The following SLC6A12 variants were observed in gnomAD, a reference collection of about 807,000 sequenced individuals.
The protein encoded by SLC6A12 is sodium- and chloride-dependent betaine transporter.
A neutral mutation model predicts 73.3 loss-of-function variants in SLC6A12; 50 were observed. The ratio of observed to expected loss-of-function variants is 0.68; its 90% confidence interval spans 0.54 to 0.86. SLC6A12 has a LOEUF of 0.86. Among genes scored for constraint, SLC6A12 ranks in the 40% least tolerant of loss-of-function variants. The pLI, the probability that SLC6A12 is intolerant of heterozygous loss-of-function variation, is 0.00. For missense variants in SLC6A12, 648 were observed against 772.8 expected (o/e 0.84, Z 1.92); for synonymous variants, 304 against 309.2 (o/e 0.98, Z 0.18).
chr12:187,589 C>CAAAAGAGCAAAAAAAAAAAAAAAAAA (rs1939453849), downstream of SLC6A12, among the ~76,000 whole-genome samples: 2 of 106,072 alleles, frequency 1.9e-5, no homozygotes, highest in African/African-American at 1.1e-4. Flanking sequence ...TGCAAAAGAG[C>CAAAAGAGCAAAAAAAAAAAAAAAAAA]AAAAAAAAAA....
chr12:205,675 A>G (rs558513850), intron 3 of SLC6A12, among the ~76,000 whole-genome samples: 28 of 152,246 alleles, frequency 1.8e-4, no homozygotes, highest in Non-Finnish European at 2.4e-4. Context: ...GAAAGTACAG[A>G]GGGAAAGAAA....
chr12:213,134 C>T lies in SLC6A12; in HGVS notation c.-143+788G>A, dbSNP rs1940971441. ...GTGCTGCTGGGATCCCAGCTCTGTC[C>T]CCTTTGCTCCCCAGTCCAGCATAGG... is the stretch of plus-strand genomic sequence containing the variant. On this transcript the variant is annotated intron_variant, in intron 1 of 15. Transcript: ENST00000684302. This position sits in a 1 kb window ranked among gnomAD's most constrained non-coding sequence, Gnocchi z 5.3. Among the ~76,000 whole-genome samples the T allele has an allele frequency of 6.6e-6, 1 of 152,124 alleles. No individual in the cohort carries two copies. The highest frequency in any genetic ancestry group is 2.4e-5 in the African/African-American group (1 of 41,412).
At chr12:207,391 G>A (rs1940703018) in intron 3 of SLC6A12, among the ~76,000 whole-genome samples, 1 of 152,160 alleles carries the variant, frequency 6.6e-6, no homozygotes, top group African/African-American at 2.4e-5. Context: ...CCGGATAATG[G>A]GAACTTCCTA....
rs183224605 is a variant in SLC6A12 at position 193,017 on chromosome 12, G to A, written c.1530+260C>T. 16 of 526,350 alleles carry A rather than the reference G, an allele frequency of 3.0e-5. 1 individual carries two copies. Among genetic ancestry groups the A allele is most frequent in the Admixed American group, 9.5e-5 (3 of 31,638 alleles). The allele number at this position is 526,350 out of a possible 1,614,324, so 32.6% of individuals were successfully genotyped here. ...TCAGACAGACAGGAGACCAACCATC[G>A]AGAAATCAGGCAGAAGCAGGAGGCA... On this transcript the variant is annotated intron_variant, in intron 14 of 15. Coordinates refer to ENST00000684302, the MANE Select transcript of SLC6A12 (RefSeq NM_001122848.3).
chr12:200,400 A>ATG (rs1565472344), intron 7 of SLC6A12, among the ~76,000 whole-genome samples: 1 of 148,020 alleles, frequency 6.8e-6, no homozygotes, highest in African/African-American at 2.4e-5. Flanking sequence ...GAGCCACTGC[A>ATG]CCCGGCAGCC....
At chr12:201,387 T>C in intron 6 of SLC6A12, 1 of 245,002 alleles carries the variant, frequency 4.1e-6, no homozygotes, top group Non-Finnish European at 8.0e-6. Context: ...ACTCCCGCCT[T>C]GGGCAATTTC....
At chr12:205,469 T>C (rs182449092) in intron 3 of SLC6A12, among the ~76,000 whole-genome samples, 5 of 152,270 alleles carry the variant, frequency 3.3e-5, no homozygotes, top group African/African-American at 1.2e-4. Context: ...CAAAACAACC[T>C]CCCATGGGGC....
downstream of SLC6A12, among the ~76,000 whole-genome samples, chr12:187,440 G>A (rs930117876): frequency 6.6e-6 from 1 of 151,692 alleles, no homozygotes; most frequent in Admixed American, 6.6e-5. Flanking sequence ...TCTGAAGGCG[G>A]CGCGTCTGGA....
In SLC6A12 at chr12:209,965, G is replaced by A. The variant is rs761631070; in HGVS notation, c.22C>T (p.Gln8Ter). 1.2e-6 allele frequency: 2 copies of A among 1,614,050 alleles called. No homozygotes were observed. The highest frequency in any genetic ancestry group is 2.7e-5 in the African/African-American group (2 of 74,936). The change falls in exon 3 of 16, where the codon CAA becomes TAA. Residue 8 changes from glutamine to a stop codon, truncating the protein, a stop_gained. Coordinates refer to ENST00000684302, the MANE Select transcript of SLC6A12 (RefSeq NM_001122848.3). LOFTEE classifies it high-confidence loss of function. Reference sequence around the variant, plus strand: ...GAGACTGCAGGAGGCCCACACTCTTGCACTGCCACCTTCCCGTCCATGGCT... The same window carrying A: ...GAGACTGCAGGAGGCCCACACTCTTACACTGCCACCTTCCCGTCCATGGCT... MDGKVAV[Q>*]ECGPPAVSWV...
chr12:192,784 G>A lies in SLC6A12; in HGVS notation c.1531-136C>T, dbSNP rs1394131196. 1.2e-5 allele frequency: 9 copies of A among 768,064 alleles called. No individual in the cohort carries two copies. The East Asian group carries it at 1.8e-4, about 16-fold the overall frequency. 47.6% of individuals were successfully genotyped at this position (768,064 alleles called of 1,614,324 possible). On this transcript the variant is annotated intron_variant, in intron 14 of 15. Coordinates refer to ENST00000684302, the MANE Select transcript of SLC6A12 (RefSeq NM_001122848.3). ...GTAAGGTGGAAGAGTAAAAGCCCCT[G>A]CAAATCCCAGGCCAAGGCATCATTC...
intron 2 of SLC6A12, chr12:210,516 C>T (rs1940859363): frequency 2.2e-6 from 1 of 448,544 alleles, no homozygotes; most frequent in Non-Finnish European, 3.0e-6. Flanking sequence ...CAGCTGTGTG[C>T]TAAGGTGATC....
At position 209,861 on chromosome 12, in the gene SLC6A12, C is replaced by T. The variant is rs1940831009; in HGVS notation, c.126G>A (p.Lys42=). 1 of 1,614,082 alleles carries T rather than the reference C, an allele frequency of 6.2e-7. No individual in the cohort carries two copies. The highest frequency in any genetic ancestry group is 1.7e-5 in the Admixed American group (1 of 60,010). ...CGGCCACTGACAGCACAAACTCCAT[C>T]TTGTTGGTCCATTGGCCCCGATCCT... ...QVKDRGQWTN[K]MEFVLSVAGE... Residue 42 remains lysine, a synonymous_variant, in exon 3 of 16, where the codon AAG becomes AAA. Coordinates refer to ENST00000684302, the MANE Select transcript of SLC6A12 (RefSeq NM_001122848.3).
chr12:186,089 AGAG>A (rs1403653726), downstream of SLC6A12, among the ~76,000 whole-genome samples: 8 of 148,522 alleles, frequency 5.4e-5, no homozygotes, highest in African/African-American at 2.1e-4. Flanking sequence ...TGGAGGGGTC[AGAG>A]GAGGTGAGGC....
At chr12:201,994 G>A in intron 5 of SLC6A12, 145 bp from the exon 6 acceptor site, 1 of 649,744 alleles carries the variant, frequency 1.5e-6, no homozygotes, top group Non-Finnish European at 2.7e-6. Flanking sequence ...CAGGGCATCA[G>A]GAGGCTCATA....
intron 10 of SLC6A12, among the ~76,000 whole-genome samples, chr12:197,150 C>CATCT (rs1565469057): frequency 2.9e-3 from 29 of 10,124 alleles, no homozygotes; most frequent in East Asian, 0.011. Flanking sequence ...TCCATCCATC[C>CATCT]ATCCATCCAT....
Position 191,182 on chromosome 12 carries a change from G to A in SLC6A12, c.1731C>T (p.Ser577=). 7.8e-7 allele frequency: 1 copy of A among 1,289,884 alleles called. No homozygotes were observed. Among genetic ancestry groups the A allele is most frequent in the Non-Finnish European group, 9.9e-7 (1 of 1,007,458 alleles). The allele number at this position is 1,289,884 out of a possible 1,614,324, so 79.9% of individuals were successfully genotyped here. The change falls in exon 16 of 16, where the codon TCC becomes TCT. Residue 577 remains serine, a synonymous_variant. Coordinates refer to ENST00000684302, the MANE Select transcript of SLC6A12 (RefSeq NM_001122848.3). ...KRLRQLITPD[S]SLPQPKQHPC... is the part of the protein sequence containing the mutation. ...GATGTTGCTTGGGCTGTGGCAGACT[G>A]GAGTCAGGGGTGATGAGCTGACGCA...
chr12:201,286 C>T (rs537370454), intron 6 of SLC6A12: 6 of 192,824 alleles, frequency 3.1e-5, no homozygotes, highest in South Asian at 2.2e-4. Flanking sequence ...TGCAGGTGGA[C>T]GAGTGTGGGC....
At chr12:187,416 A>C (rs7967909), downstream of SLC6A12, among the ~76,000 whole-genome samples, 8 of 150,940 alleles carry the variant, frequency 5.3e-5, no homozygotes, top group Non-Finnish European at 8.8e-5. Flanking sequence ...GACCTTCGCG[A>C]TGAGTGCTAC....
At chr12:186,061 AGGGTCAGGGGAGGGCTCTGGAG>A (rs567961635), downstream of SLC6A12, among the ~76,000 whole-genome samples, 24 of 152,212 alleles carry the variant, frequency 1.6e-4, no homozygotes, top group South Asian at 4.2e-3. Flanking sequence ...GGGTGAGCCC[AGGGTCAGGGGAGGGCTCTGGAG>A]GGGTCAGAGG....
Sources: gnomAD v4.1 joint callset for allele counts (sites outside exome capture counted in the v4.1 genomes callset) on GRCh38, gnomAD v4.1.1 for gene constraint, Gnocchi (gnomAD v3.1) non-coding constraint, MANE v1.5 for transcripts, NCBI Gene and HGNC (gene_info 2026-07-23, HGNC 2026-07-21) for gene names.